SPOCK3: variants seen among roughly 807,000 people sequenced by gnomAD.
The protein encoded by SPOCK3 is SPARC (osteonectin), cwcv and kazal like domains proteoglycan 3.
SPOCK3 carries 30 observed loss-of-function variants against 56.6 expected under a neutral mutation model. That is an observed-to-expected ratio of 0.53 (90% CI 0.40 to 0.72). SPOCK3 has a LOEUF of 0.72. SPOCK3 is among the 30% of genes least tolerant of loss of function. SPOCK3 has a pLI of 0.00. For missense variants in SPOCK3, 527 were observed against 530.0 expected (o/e 0.99, Z 0.06); for synonymous variants, 196 against 183.3 (o/e 1.07, Z -0.56).
At chr4:167,201,327 A>G (rs1231001382) in intron 2 of SPOCK3, among the ~76,000 whole-genome samples, 1 of 151,978 alleles carries the variant, frequency 6.6e-6, no homozygotes, top group Admixed American at 6.6e-5. Flanking sequence ...ATTGATGATA[A>G]TATTTTCCTC....
intron 6 of SPOCK3, among the ~76,000 whole-genome samples, chr4:166,795,889 T>C (rs2126669757): frequency 6.6e-6 from 1 of 152,246 alleles, no homozygotes; most frequent in East Asian, 1.9e-4. Flanking sequence ...CTCCCCCAGA[T>C]TCATATGTTA....
At chr4:167,121,117 T>A (rs1249149330) in intron 2 of SPOCK3, among the ~76,000 whole-genome samples, 1 of 151,636 alleles carries the variant, frequency 6.6e-6, no homozygotes, top group South Asian at 2.1e-4. Context: ...CTATTTAAAA[T>A]CAATCATGAA....
chr4:166,740,897 A>G (rs1315465126), intron 9 of SPOCK3, among the ~76,000 whole-genome samples: 1 of 152,172 alleles, frequency 6.6e-6, no homozygotes, highest in Non-Finnish European at 1.5e-5. Context: ...GAAACATGAC[A>G]CATTGTAGCA....
At chr4:166,940,454 C>T (rs1740919237) in intron 4 of SPOCK3, among the ~76,000 whole-genome samples, 1 of 151,920 alleles carries the variant, frequency 6.6e-6, no homozygotes, top group South Asian at 2.1e-4. Context: ...AGGCAGCAAC[C>T]ATGGTGACCG....
At chr4:167,076,033 C>A (rs1436215387) in intron 2 of SPOCK3, among the ~76,000 whole-genome samples, 2 of 151,770 alleles carry the variant, frequency 1.3e-5, no homozygotes, top group Non-Finnish European at 2.9e-5. Context: ...TATTACTAAG[C>A]AAAAGAAGTT....
intron 2 of SPOCK3, among the ~76,000 whole-genome samples, chr4:167,132,762 GA>G (rs1762802583): frequency 7.8e-6 from 1 of 128,126 alleles, no homozygotes; most frequent in African/African-American, 3.0e-5. Context: ...CTTGGCTTGT[GA>G]CCACTTCACT....
chr4:166,794,210 CAAAAAAAAAA>C (rs10710162), intron 6 of SPOCK3, among the ~76,000 whole-genome samples: 1 of 73,612 alleles, frequency 1.4e-5, no homozygotes, highest in Non-Finnish European at 2.5e-5. Context: ...GGTGATAAGG[CAAAAAAAAAA>C]AAAAAAAAAA....
At chr4:166,893,901 C>T (rs1041753224) in intron 5 of SPOCK3, among the ~76,000 whole-genome samples, 1 of 152,062 alleles carries the variant, frequency 6.6e-6, no homozygotes, top group Non-Finnish European at 1.5e-5. Context: ...AAGAAAACAC[C>T]GTTCACTAAA....
chr4:166,937,551 T>G (rs1378710502), intron 4 of SPOCK3, among the ~76,000 whole-genome samples: 1 of 148,064 alleles, frequency 6.8e-6, no homozygotes, highest in Admixed American at 6.8e-5. Context: ...ATATTATATA[T>G]TACTATATAT....
Position 167,193,403 on chromosome 4 carries a change from T to C in SPOCK3, c.189+40582A>G, listed in dbSNP as rs1168958663. Among the ~76,000 whole-genome samples, 2 of 146,166 alleles carry C rather than the reference T, an allele frequency of 1.4e-5. 1 individual carries two copies. Among genetic ancestry groups the C allele is most frequent in the African/African-American group, 5.2e-5 (2 of 38,366 alleles). On this transcript the variant is annotated intron_variant, in intron 2 of 10. Transcript: ENST00000357545. ...TCAATGGCATAAAAACCCCACACATTTACTTTCCTCCTCCACATACATTTT... is the reference window on the plus strand; with the variant it reads ...TCAATGGCATAAAAACCCCACACATCTACTTTCCTCCTCCACATACATTTT...
At chr4:166,928,410 C>A (rs150927971) in intron 4 of SPOCK3, among the ~76,000 whole-genome samples, 6 of 152,094 alleles carry the variant, frequency 3.9e-5, no homozygotes, top group Admixed American at 3.9e-4. Context: ...AACTTTAATG[C>A]AGTAACTGGA....
intron 2 of SPOCK3, among the ~76,000 whole-genome samples, chr4:167,231,804 G>A (rs1031697232): frequency 3.9e-5 from 6 of 152,044 alleles, no homozygotes; most frequent in African/African-American, 1.2e-4. Context: ...GCAACAGGTG[G>A]TTCAAGGGTA....
chr4:166,968,669 C>CAAGGCAGAAGTCTACTGCA (rs1317435290), intron 4 of SPOCK3, among the ~76,000 whole-genome samples: 3 of 137,416 alleles, frequency 2.2e-5, no homozygotes, highest in African/African-American at 1.1e-4. Context: ...GCTTGGATGT[C>CAAGGCAGAAGTCTACTGCA]AAGGCAGAAG....
rs35390223 is a variant in SPOCK3, at chr4:167,113,373, A to ATT, written c.190-50838_190-50837dup. Among the ~76,000 whole-genome samples, 254 of 145,064 alleles carry ATT rather than the reference A, an allele frequency of 1.8e-3. 1 individual carries two copies. In the South Asian group the frequency reaches 0.023, roughly 13 times the overall value. ...GCATGGCAGGAGGGTTCTTCTTACAATTTTTTTTTTTTTACCATTAACTAT... is the reference window on the plus strand; with the variant it reads ...GCATGGCAGGAGGGTTCTTCTTACAATTTTTTTTTTTTTTTACCATTAACTAT... On this transcript the variant is annotated intron_variant, in intron 2 of 10. Transcript: ENST00000357545.
At chr4:167,048,912 T>A (rs1040594874) in intron 3 of SPOCK3, among the ~76,000 whole-genome samples, 2 of 152,162 alleles carry the variant, frequency 1.3e-5, no homozygotes, top group African/African-American at 2.4e-5. Flanking sequence ...AGTGCTTGTT[T>A]ACTTTGAAGA....
intron 4 of SPOCK3, among the ~76,000 whole-genome samples, chr4:166,921,323 A>ATTT (rs746455090): frequency 2.2e-5 from 3 of 138,222 alleles, no homozygotes; most frequent in African/African-American, 2.6e-5. Context: ...CATGTGTTGA[A>ATTT]TTTTTTTTTT....
intron 2 of SPOCK3, among the ~76,000 whole-genome samples, chr4:167,155,042 C>T (rs1764701774): frequency 6.6e-6 from 1 of 151,832 alleles, no homozygotes; most frequent in Admixed American, 6.6e-5. Flanking sequence ...TTTTATTGCC[C>T]TCATAACAGG....
At chr4:166,772,243 T>C (rs557209943) in intron 7 of SPOCK3, among the ~76,000 whole-genome samples, 8 of 152,266 alleles carry the variant, frequency 5.3e-5, no homozygotes, top group Non-Finnish European at 1.0e-4. Context: ...TGCAGTAGTA[T>C]GTCAAATGAA....
intron 4 of SPOCK3, among the ~76,000 whole-genome samples, chr4:166,988,616 G>A (rs1410675141): frequency 1.3e-5 from 2 of 152,056 alleles, no homozygotes; most frequent in East Asian, 1.9e-4. Flanking sequence ...GTGTGACTCT[G>A]GACAAGTCAG....
Sources: allele counts gnomAD v4.1 joint callset (sites outside exome capture counted in the v4.1 genomes callset), GRCh38; gene constraint gnomAD v4.1.1; transcripts MANE v1.5; gene names NCBI Gene and HGNC (gene_info 2026-07-23, HGNC 2026-07-21).